The following WLS variants were observed in gnomAD, a reference collection of about 807,000 sequenced individuals.
WLS encodes the protein protein wntless homolog.
Under a neutral mutation model 62.8 loss-of-function variants are expected in WLS, and 23 were observed. That is an observed-to-expected ratio of 0.37 (90% confidence interval 0.26 to 0.52). WLS has a LOEUF of 0.52. Among genes scored for constraint, WLS ranks in the 20% least tolerant of loss-of-function variants. WLS has a pLI of 0.92. For synonymous variants in WLS, 246 were observed against 244.1 expected (o/e 1.01, Z -0.07); for missense variants, 615 against 697.3 (o/e 0.88, Z 1.33).
chr1:68,138,225 G>C, intron 10 of WLS: 1 of 356,414 alleles, frequency 2.8e-6, no homozygotes, highest in Non-Finnish European at 5.2e-6. Flanking sequence ...CTATCCCTAA[G>C]TTAAACAAAC....
intron 11 of WLS, among the ~76,000 whole-genome samples, chr1:68,110,430 GAAAAT>G (rs1359675313): frequency 1.3e-4 from 19 of 150,116 alleles, no homozygotes; most frequent in African/African-American, 9.8e-5. Context: ...TTTCTGCAAA[GAAAAT>G]AAAAGTCTCA....
At chr1:68,127,011 C>A (rs1211412889) in intron 11 of WLS, 1 of 329,294 alleles carries the variant, frequency 3.0e-6, no homozygotes, top group South Asian at 2.3e-5. Flanking sequence ...GGCAACAGAG[C>A]GAGACCCTGA....
intron 2 of WLS, among the ~76,000 whole-genome samples, chr1:68,175,574 A>T (rs2100552577): frequency 6.6e-6 from 1 of 152,346 alleles, no homozygotes; most frequent in South Asian, 2.1e-4. Context: ...CTAATATTTC[A>T]TGAATGTAGA....
intron 11 of WLS, among the ~76,000 whole-genome samples, chr1:68,102,409 A>G (rs1255689920): frequency 1.3e-5 from 2 of 152,092 alleles, no homozygotes; most frequent in African/African-American, 4.8e-5. Flanking sequence ...GTAGCCTGGG[A>G]TCTGGAGGTT....
At chr1:68,098,811 A>G (rs1324187509) in intron 11 of WLS, 1 of 1,574,196 alleles carries the variant, frequency 6.4e-7, no homozygotes, top group Non-Finnish European at 8.6e-7. Flanking sequence ...AAAATATGTA[A>G]CATGGAGTTT....
chr1:68,227,541 A>G (rs2100672395), intron 1 of WLS, among the ~76,000 whole-genome samples: 1 of 152,220 alleles, frequency 6.6e-6, no homozygotes, highest in South Asian at 2.1e-4. Context: ...AGTAATTGAA[A>G]ACTCTTTTTA....
At chr1:68,127,272 T>C (rs911469738) in intron 11 of WLS, 7 of 184,786 alleles carry the variant, frequency 3.8e-5, no homozygotes, top group South Asian at 8.2e-5. Context: ...TATCCATAGA[T>C]TGGGGAAGGA....
At chr1:68,137,967 CAG>C (rs1646634987) in intron 10 of WLS, 34 bp from the exon 11 acceptor site, 2 of 1,611,336 alleles carry the variant, frequency 1.2e-6, no homozygotes, top group Non-Finnish European at 1.7e-6. Flanking sequence ...TCAATTGAAA[CAG>C]AGAAGAAACA....
chr1:68,210,912 G>GA (rs1344861122), intron 1 of WLS, among the ~76,000 whole-genome samples: 1 of 151,998 alleles, frequency 6.6e-6, no homozygotes, highest in Non-Finnish European at 1.5e-5. Context: ...AAAACAAACA[G>GA]AAAAAAACCC....
chr1:68,162,133 G>A, intron 2 of WLS: 1 of 1,511,800 alleles, frequency 6.6e-7, no homozygotes, highest in South Asian at 1.1e-5. Flanking sequence ...GGCAGTGTGA[G>A]GAGTGCAGAT....
chr1:68,178,394 C>T (rs1374025090), intron 2 of WLS, among the ~76,000 whole-genome samples: 2 of 152,074 alleles, frequency 1.3e-5, no homozygotes, highest in African/African-American at 2.4e-5. Flanking sequence ...ACACAGTGTC[C>T]CTGCCTTTAA....
At chr1:68,211,931 T>C (rs1649531624) in intron 1 of WLS, among the ~76,000 whole-genome samples, 1 of 152,190 alleles carries the variant, frequency 6.6e-6, no homozygotes, top group African/African-American at 2.4e-5. Flanking sequence ...CATTGCACAG[T>C]TGGCTTAACT....
rs568673222 is a variant in WLS at position 68,224,827 on chromosome 1, C to T, written c.106+7367G>A. ...TGCTCTATCTGTGTAGAATCAGTTTCACCACACTCATCCCTTTGTTTCCCA... is the reference window on the plus strand; with the variant it reads ...TGCTCTATCTGTGTAGAATCAGTTTTACCACACTCATCCCTTTGTTTCCCA... On this transcript the variant is annotated intron_variant, in intron 1 of 11. Transcript: ENST00000262348. Among the ~76,000 whole-genome samples, 102 of 152,146 alleles carry T rather than the reference C, an allele frequency of 6.7e-4. 1 individual carries two copies. The highest frequency in any genetic ancestry group is 3.4e-3 in the Middle Eastern group (1 of 294).
At chr1:68,200,893 G>A (rs867166717) in intron 1 of WLS, among the ~76,000 whole-genome samples, 18 of 152,142 alleles carry the variant, frequency 1.2e-4, no homozygotes, top group South Asian at 6.2e-4. Context: ...AGTGTGCTTT[G>A]GATTTTTTGA....
chr1:68,172,475 A>C (rs1007005269), intron 2 of WLS, among the ~76,000 whole-genome samples: 12 of 151,532 alleles, frequency 7.9e-5, no homozygotes, highest in African/African-American at 2.9e-4. Flanking sequence ...TATAAAAAAA[A>C]GAGTAGGGAT....
chr1:68,214,479 C>T (rs1360815471), intron 1 of WLS, among the ~76,000 whole-genome samples: 2 of 152,054 alleles, frequency 1.3e-5, no homozygotes, highest in African/African-American at 2.4e-5. Flanking sequence ...ATTCTCCTGC[C>T]TCAGCCTCCC....
At chr1:68,159,399 G>A in intron 2 of WLS, 152 bp from the exon 3 acceptor site, 1 of 1,074,636 alleles carries the variant, frequency 9.3e-7, no homozygotes, top group Non-Finnish European at 1.3e-6. Flanking sequence ...AGACTTAGAA[G>A]TCATAGGATG....
chr1:68,144,464 T>G (rs191960425), intron 10 of WLS, 105 bp downstream of exon 10: 22 of 1,113,238 alleles, frequency 2.0e-5, no homozygotes, highest in East Asian at 1.5e-4. Context: ...TGTCCAGAAT[T>G]ATGGCCTCTC....
intron 2 of WLS, among the ~76,000 whole-genome samples, chr1:68,182,288 T>G (rs1456297274): frequency 6.6e-6 from 1 of 152,194 alleles, no homozygotes; most frequent in South Asian, 2.1e-4. Context: ...TGGAGGAGCC[T>G]TATAATGATG....
Sources: allele counts gnomAD v4.1 joint callset (sites outside exome capture counted in the v4.1 genomes callset), GRCh38; gene constraint gnomAD v4.1.1; transcripts MANE v1.5; gene names NCBI Gene and HGNC (gene_info 2026-07-23, HGNC 2026-07-21).